The following FMNL2 variants were observed in gnomAD, a reference collection of about 807,000 sequenced individuals.
The protein encoded by FMNL2 is formin-like protein 2.
A neutral mutation model predicts 130.2 loss-of-function variants in FMNL2; 51 were observed. The ratio of observed to expected loss-of-function variants is 0.39; its 90% confidence interval spans 0.31 to 0.49. The LOEUF is 0.49. Ranked by LOEUF, FMNL2 falls within the 20% of genes least tolerant of loss-of-function variation. FMNL2 has a pLI of 0.85. For synonymous variants in FMNL2, 465 were observed against 467.1 expected (o/e 1.00, Z 0.06); for missense variants, 977 against 1,316.2 (o/e 0.74, Z 3.99).
At chr2:152,634,545 G>A (rs1421339047) in intron 21 of FMNL2, among the ~76,000 whole-genome samples, 1 of 152,250 alleles carries the variant, frequency 6.6e-6, no homozygotes, top group Non-Finnish European at 1.5e-5. Context: ...AAAAAAATCT[G>A]TGCTTCTAGA....
At chr2:152,375,895 A>ATATATATC (rs1284250192) in intron 1 of FMNL2, among the ~76,000 whole-genome samples, 1 of 145,088 alleles carries the variant, frequency 6.9e-6, no homozygotes, top group East Asian at 2.0e-4. Context: ...ATATATATAT[A>ATATATATC]TAATTATTAT....
At chr2:152,519,737 C>T (rs1317027714) in intron 1 of FMNL2, among the ~76,000 whole-genome samples, 2 of 152,228 alleles carry the variant, frequency 1.3e-5, no homozygotes, top group East Asian at 3.8e-4. Flanking sequence ...GTCTATCCCA[C>T]ATGCTTATTA....
At chr2:152,443,113 C>T (rs1286394580) in intron 1 of FMNL2, among the ~76,000 whole-genome samples, 4 of 152,072 alleles carry the variant, frequency 2.6e-5, no homozygotes, top group Non-Finnish European at 5.9e-5. Flanking sequence ...TACTTATAGA[C>T]GGTAGTTGAT....
intron 2 of FMNL2, among the ~76,000 whole-genome samples, chr2:152,532,872 AGCTG>A (rs1693786136): frequency 6.6e-6 from 1 of 151,894 alleles, no homozygotes; most frequent in African/African-American, 2.4e-5. Context: ...CCTCCCAAAG[AGCTG>A]GGATTACAGG....
At position 152,631,673 on chromosome 2, in the gene FMNL2, T is replaced by C. The variant is rs536819801; in HGVS notation, c.2551-335T>C. On this transcript the variant is annotated intron_variant, in intron 20 of 25. Coordinates refer to ENST00000288670, the MANE Select transcript of FMNL2 (RefSeq NM_052905.4). ...GAATTTTCCACTTAGTATTTTTGGA[T>C]ACCTGAAACCTGTGGGTTTCCTGAA... Among the ~76,000 whole-genome samples the C allele has an allele frequency of 4.5e-3, 692 of 152,302 alleles. 2 individuals carry two copies. The highest frequency in any genetic ancestry group is 8.3e-3 in the Non-Finnish European group (567 of 68,020).
At chr2:152,346,531 T>C (rs1682133295) in intron 1 of FMNL2, among the ~76,000 whole-genome samples, 1 of 151,392 alleles carries the variant, frequency 6.6e-6, no homozygotes, top group Non-Finnish European at 1.5e-5. Context: ...AGTGGCACAC[T>C]CCCTGTAGTC....
At chr2:152,445,829 A>G (rs573384995) in intron 1 of FMNL2, among the ~76,000 whole-genome samples, 92 of 152,344 alleles carry the variant, frequency 6.0e-4, no homozygotes, top group African/African-American at 2.0e-3. Context: ...TAGAATTGCC[A>G]TCAGCCAGTC....
intron 1 of FMNL2, among the ~76,000 whole-genome samples, chr2:152,362,525 G>T (rs1014172623): frequency 2.1e-4 from 32 of 151,940 alleles, no homozygotes; most frequent in African/African-American, 5.8e-4. Context: ...GGACTGAAAA[G>T]GACTCTAGTG....
chr2:152,628,053 G>C (rs1210038491), intron 17 of FMNL2, among the ~76,000 whole-genome samples: 1 of 152,176 alleles, frequency 6.6e-6, no homozygotes, highest in East Asian at 1.9e-4. Flanking sequence ...AAAAACTGAG[G>C]ATGGCAGTTG....
intron 1 of FMNL2, among the ~76,000 whole-genome samples, chr2:152,425,431 T>C (rs1231740381): frequency 6.6e-6 from 1 of 152,218 alleles, no homozygotes; most frequent in Non-Finnish European, 1.5e-5. Flanking sequence ...TAGTAAAATC[T>C]CTGTACATGG....
chr2:152,393,138 G>A (rs1685210533), intron 1 of FMNL2, among the ~76,000 whole-genome samples: 1 of 152,164 alleles, frequency 6.6e-6, no homozygotes, highest in Non-Finnish European at 1.5e-5. Context: ...TTGAAACTAT[G>A]TGAGTTGCCT....
chr2:152,445,909 A>C (rs1175602156), intron 1 of FMNL2, among the ~76,000 whole-genome samples: 1 of 152,092 alleles, frequency 6.6e-6, no homozygotes, highest in African/African-American at 2.4e-5. Flanking sequence ...CCTAAACCAC[A>C]CTGGCTTCTT....
intron 1 of FMNL2, among the ~76,000 whole-genome samples, chr2:152,453,076 C>T (rs1042476216): frequency 6.6e-6 from 1 of 152,054 alleles, no homozygotes; most frequent in Non-Finnish European, 1.5e-5. Flanking sequence ...GTGGTCAGCA[C>T]CTGTAACCCC....
chr2:152,412,457 T>G (rs1331733874), intron 1 of FMNL2, among the ~76,000 whole-genome samples: 39 of 7,428 alleles, frequency 5.3e-3, no homozygotes, highest in Non-Finnish European at 0.011. Context: ...TATATATATA[T>G]ATATATATAT....
chr2:152,348,220 T>A (rs147627824), intron 1 of FMNL2, among the ~76,000 whole-genome samples: 338 of 152,366 alleles, frequency 2.2e-3, no homozygotes, highest in African/African-American at 7.9e-3. Flanking sequence ...AAATATCACT[T>A]TGTATAACTT....
intron 21 of FMNL2, among the ~76,000 whole-genome samples, chr2:152,632,762 C>T (rs1682264849): frequency 6.6e-6 from 1 of 152,192 alleles, no homozygotes; most frequent in African/African-American, 2.4e-5. Context: ...GGTCTTACTT[C>T]TCATGAAGTG....
At chr2:152,393,817 A>G (rs973179059) in intron 1 of FMNL2, among the ~76,000 whole-genome samples, 1 of 152,242 alleles carries the variant, frequency 6.6e-6, no homozygotes, top group Non-Finnish European at 1.5e-5. Flanking sequence ...TGGGCCATAC[A>G]GCTTCTGTAG....
rs529456759 is a variant in FMNL2 at position 152,423,978 on chromosome 2, C to G, written c.117+88258C>G. On this transcript the variant is annotated intron_variant, in intron 1 of 25. Coordinates refer to ENST00000288670, the MANE Select transcript of FMNL2 (RefSeq NM_052905.4). ...CCTTGCCTATTTTGAAGCCTGGGAC[C>G]TTTTCTTTGTTTAGGGGGAAGGCCT... Among the ~76,000 whole-genome samples the G allele has an allele frequency of 1.4e-3, 214 of 152,222 alleles. 1 individual carries two copies. The highest frequency in any genetic ancestry group is 5.1e-3 in the African/African-American group (210 of 41,540).
intron 10 of FMNL2, among the ~76,000 whole-genome samples, chr2:152,610,794 C>CGA (rs1698633404): frequency 6.6e-6 from 1 of 152,168 alleles, no homozygotes; most frequent in African/African-American, 2.4e-5. Flanking sequence ...TTTCTCTTAA[C>CGA]TGTATATCTA....
Sources: gnomAD v4.1 joint callset for allele counts (sites outside exome capture counted in the v4.1 genomes callset) on GRCh38, gnomAD v4.1.1 for gene constraint, MANE v1.5 for transcripts, NCBI Gene and HGNC (gene_info 2026-07-23, HGNC 2026-07-21) for gene names.